Variants in HCK observed in about 807,000 individuals in gnomAD.
The protein encoded by HCK is tyrosine-protein kinase HCK.
HCK carries 40 observed loss-of-function variants against 70.4 expected under a neutral mutation model. The ratio of observed to expected loss-of-function variants is 0.57; its 90% CI spans 0.44 to 0.74. The LOEUF (loss-of-function observed/expected upper bound fraction) is 0.74, where lower values mean the gene tolerates loss of function less well. Ranked by LOEUF, HCK falls within the 30% of genes least tolerant of loss-of-function variation. HCK has a pLI of 0.00. For synonymous variants in HCK, 245 were observed against 263.2 expected (o/e 0.93, Z 0.67); for missense variants, 568 against 697.2 (o/e 0.81, Z 2.09).
In HCK at chr20:32,052,396, G is replaced by GGCAC; in HGVS notation, c.-28_-25dup. 7.8e-7 allele frequency: 1 copy of GGCAC among 1,284,322 alleles called. No homozygotes were observed. The highest frequency in any genetic ancestry group is 9.9e-7 in the Non-Finnish European group (1 of 1,006,256). 79.6% of individuals were successfully genotyped at this position (1,284,322 alleles called of 1,614,324 possible). On this transcript the variant is annotated 5_prime_UTR_variant, in exon 1 of 13. Coordinates refer to ENST00000375852, the MANE Select transcript of HCK (RefSeq NM_002110.5). The stretch of plus-strand genomic sequence containing the variant: ...TCTAGAAAGTCAGTTTCCCGGCACT[G>GGCAC]GCACCCCGGAACCTCAGGGGCTGCC...
chr20:32,073,221 A>G, intron 2 of HCK, 98 bp from the exon 3 acceptor site: 2 of 978,466 alleles, frequency 2.0e-6, no homozygotes, highest in Non-Finnish European at 3.2e-6. Flanking sequence ...ATGCAGGGCT[A>G]GGGTAAGATG....
chr20:32,077,473 A>G (rs905101079), intron 5 of HCK, among the ~76,000 whole-genome samples: 1 of 152,070 alleles, frequency 6.6e-6, no homozygotes, highest in Non-Finnish European at 1.5e-5. Context: ...ACACTGTTCC[A>G]TGCCTCTCGT....
chr20:32,094,753 G>C (rs2045917891), intron 11 of HCK, among the ~76,000 whole-genome samples: 1 of 127,688 alleles, frequency 7.8e-6, no homozygotes, highest in Non-Finnish European at 1.7e-5. Context: ...AAGAAAGAAA[G>C]AAAGAAAGAA....
At chr20:32,086,088 T>C (rs997966800) in intron 8 of HCK, among the ~76,000 whole-genome samples, 1 of 152,188 alleles carries the variant, frequency 6.6e-6, no homozygotes, top group Admixed American at 6.5e-5. Flanking sequence ...GGCTCAATCT[T>C]GGCTCACTGC....
At chr20:32,069,815 A>AAACAT in intron 1 of HCK, 3 of 1,205,134 alleles carry the variant, frequency 2.5e-6, no homozygotes, top group Non-Finnish European at 1.1e-6. Flanking sequence ...TAAGCCTAGG[A>AAACAT]GTTTGGGGTT....
In HCK at chr20:32,101,576, C is replaced by A; in HGVS notation, c.*57C>A. The A allele has an allele frequency of 6.9e-7, 1 of 1,453,882 alleles. No homozygotes were observed. The highest frequency in any genetic ancestry group is 2.0e-5 in the Admixed American group (1 of 50,170). 90.1% of individuals were successfully genotyped at this position (1,453,882 alleles called of 1,614,324 possible). A position where few individuals can be genotyped will look rare whatever the true frequency, so the allele number is the denominator to read the frequency against. On this transcript the variant is annotated 3_prime_UTR_variant, in exon 13 of 13. Coordinates refer to ENST00000375852, the MANE Select transcript of HCK (RefSeq NM_002110.5). ...CCAGGTGGTGGCTGCAAGGTGGCTC[C>A]AGCACCATCCGCCAGGGCCCACACC...
At chr20:32,068,489 A>G (rs907476660) in intron 1 of HCK, among the ~76,000 whole-genome samples, 1 of 152,184 alleles carries the variant, frequency 6.6e-6, no homozygotes, top group East Asian at 1.9e-4. Context: ...TGTGGCTCAC[A>G]TGACATTTCT....
intron 1 of HCK, among the ~76,000 whole-genome samples, chr20:32,067,503 A>G (rs1281860679): frequency 4.7e-5 from 7 of 148,578 alleles, no homozygotes; most frequent in Admixed American, 1.3e-4. Context: ...CAACTCGGTC[A>G]TAGAGCAGGA....
intron 1 of HCK, among the ~76,000 whole-genome samples, chr20:32,068,754 C>A (rs7275160): frequency 1.5e-4 from 23 of 151,834 alleles, no homozygotes; most frequent in Admixed American, 9.2e-4. Context: ...CCTGCCCCCC[C>A]TCTCTGCCCC....
intron 1 of HCK, chr20:32,069,823 G>T (rs764495034): frequency 7.8e-5 from 90 of 1,151,190 alleles, no homozygotes; most frequent in Admixed American, 1.6e-4. Flanking sequence ...GGAGTTTGGG[G>T]TTTTTTTCCT....
Position 32,093,982 on chromosome 20 carries a change from G to A in HCK, c.1212G>A (p.Arg404=). ...AGATTGCTGACTTTGGCCTGGCCCG[G>A]GTCATTGAGGACAACGAGTACACGG... is the stretch of plus-strand genomic sequence containing the variant. The change falls in exon 11 of 13, where the codon CGG becomes CGA. Residue 404 remains arginine (R), a synonymous_variant. Coordinates refer to ENST00000375852, the MANE Select transcript of HCK (RefSeq NM_002110.5). 2 of 1,614,032 alleles carry A rather than the reference G, an allele frequency of 1.2e-6. No individual in the cohort carries two copies. The highest frequency in any genetic ancestry group is 2.2e-5 in the East Asian group (1 of 44,866).
chr20:32,080,629 G>A (rs1349935677), intron 6 of HCK, among the ~76,000 whole-genome samples: 2 of 152,166 alleles, frequency 1.3e-5, no homozygotes, highest in Admixed American at 6.5e-5. Context: ...GAGTAGCTGG[G>A]ACTACAGGTA....
At position 32,052,433 on chromosome 20, in the gene HCK, G is replaced by T. The variant is rs1379022078; in HGVS notation, c.9G>T (p.Gly3=). Residue 3 remains glycine (G), a synonymous_variant, in exon 1 of 13, where the codon GGG becomes GGT. Transcript: ENST00000375852. ...CCTCAGGGGCTGCCGAGCTGGGGGG[G>T]CGCTCAAGCTGCGAGGATCCGGGCT... 9 of 1,283,322 alleles carry T rather than the reference G, an allele frequency of 7.0e-6. No homozygotes were observed. In the Admixed American group the frequency reaches 1.3e-4, roughly 18 times the overall value. 79.5% of individuals were successfully genotyped at this position (1,283,322 alleles called of 1,614,324 possible). A position where few individuals can be genotyped will look rare whatever the true frequency, so the allele number is the denominator to read the frequency against.
intron 11 of HCK, among the ~76,000 whole-genome samples, chr20:32,096,358 G>A (rs62204983): frequency 0.065 from 9,812 of 151,918 alleles, 984 homozygotes; most frequent in African/African-American, 0.21. Context: ...TTAGCTGGGC[G>A]TGGTGGCAGG....
At chr20:32,073,212 T>C in intron 2 of HCK, 107 bp from the exon 3 acceptor site, 2 of 910,980 alleles carry the variant, frequency 2.2e-6, no homozygotes, top group Non-Finnish European at 3.5e-6. Context: ...TCCCACGACA[T>C]GCAGGGCTAG....
chr20:32,073,886 C>T (rs1568979686), intron 4 of HCK, 68 bp downstream of exon 4: 6 of 926,688 alleles, frequency 6.5e-6, no homozygotes, highest in Non-Finnish European at 6.9e-6. Flanking sequence ...CTCTTTTGTG[C>T]TTCCATAAAG....
At chr20:32,061,233 T>C (rs112063342) in intron 1 of HCK, among the ~76,000 whole-genome samples, 4,403 of 152,222 alleles carry the variant, frequency 0.029, 214 homozygotes, top group African/African-American at 0.1. Flanking sequence ...TCGCCCGCCT[T>C]GGCCTCCCAA....
chr20:32,073,466 C>T (rs7270725), intron 3 of HCK, 105 bp downstream of exon 3: 19 of 1,018,146 alleles, frequency 1.9e-5, no homozygotes, highest in Admixed American at 2.5e-5. Flanking sequence ...AAACCCCTGT[C>T]GAGAATCCCC....
chr20:32,079,788 G>A lies in HCK; in HGVS notation c.443G>A (p.Gly148Asp). The change falls in exon 6 of 13, where the codon GGC becomes GAC. Residue 148 changes from glycine (G) to aspartate (D), a missense_variant. Transcript: ENST00000375852. ...TTTTCCATCAGGTGGTTTTTCAAGGGCATCAGCCGGAAGGACGCAGAGCGC... is the reference window on the plus strand; with the variant it reads ...TTTTCCATCAGGTGGTTTTTCAAGGACATCAGCCGGAAGGACGCAGAGCGC... The A allele has an allele frequency of 1.9e-6, 3 of 1,613,556 alleles. No individual in the cohort carries two copies. Among genetic ancestry groups the A allele is most frequent in the Non-Finnish European group, 2.5e-6 (3 of 1,179,578 alleles).
Sources: gnomAD v4.1 joint callset for allele counts (sites outside exome capture counted in the v4.1 genomes callset) on GRCh38, gnomAD v4.1.1 for gene constraint, MANE v1.5 for transcripts, NCBI Gene and HGNC (gene_info 2026-07-23, HGNC 2026-07-21) for gene names.